CYTH3: variants seen among roughly 807,000 people sequenced by gnomAD.
CYTH3 encodes the protein cytohesin-3.
A neutral mutation model predicts 55.1 loss-of-function variants in CYTH3; 23 were observed. That is an observed-to-expected ratio of 0.42 (90% CI 0.30 to 0.59). CYTH3 has a LOEUF of 0.59. Ranked by LOEUF, CYTH3 falls within the 20% of genes least tolerant of loss-of-function variation. The pLI is 0.20. For synonymous variants in CYTH3, 249 were observed against 194.9 expected (o/e 1.28, Z -2.31); for missense variants, 413 against 524.8 (o/e 0.79, Z 2.08).
At chr7:6,236,363 ACTT>A (rs1337830664) in intron 1 of CYTH3, among the ~76,000 whole-genome samples, 22 of 63,116 alleles carry the variant, frequency 3.5e-4, no homozygotes, top group African/African-American at 1.1e-3. Context: ...ACTACGCCTG[ACTT>A]TTTTTTTTTT....
At chr7:6,229,041 C>T (rs1025619544) in intron 1 of CYTH3, among the ~76,000 whole-genome samples, 2 of 152,162 alleles carry the variant, frequency 1.3e-5, no homozygotes, top group African/African-American at 4.8e-5. Context: ...ACCACACCCC[C>T]TCTGAGCAGA....
At chr7:6,220,777 C>T (rs1784533187) in intron 1 of CYTH3, among the ~76,000 whole-genome samples, 1 of 152,086 alleles carries the variant, frequency 6.6e-6, no homozygotes. Context: ...AGGTGGAATG[C>T]CTGAGCTCAG....
intron 1 of CYTH3, among the ~76,000 whole-genome samples, chr7:6,211,183 C>T (rs2128549235): frequency 6.6e-6 from 1 of 152,298 alleles, no homozygotes; most frequent in East Asian, 1.9e-4. Flanking sequence ...CTCCTGAGCA[C>T]CTGGCTGGCT....
chr7:6,193,324 C>T (rs1254040022), intron 1 of CYTH3, among the ~76,000 whole-genome samples: 1 of 151,176 alleles, frequency 6.6e-6, no homozygotes, highest in African/African-American at 2.4e-5. Context: ...TTGCACTGAG[C>T]CAAGATCGTG....
At chr7:6,258,453 T>C (rs896639784) in intron 1 of CYTH3, among the ~76,000 whole-genome samples, 1 of 152,202 alleles carries the variant, frequency 6.6e-6, no homozygotes, top group African/African-American at 2.4e-5. Flanking sequence ...CCTCCACTTA[T>C]GGATAAGGAA....
intron 1 of CYTH3, among the ~76,000 whole-genome samples, chr7:6,232,296 C>G (rs970530627): frequency 5.3e-5 from 8 of 152,180 alleles, no homozygotes; most frequent in African/African-American, 1.7e-4. Flanking sequence ...ACAAGAAGCA[C>G]CCCGGGACAC....
rs1780697582 is a variant in CYTH3, at chr7:6,272,588, C to T, written c.-81G>A. The T allele has an allele frequency of 8.3e-6, 9 of 1,083,798 alleles. No individual in the cohort carries two copies. The highest frequency in any genetic ancestry group is 1.0e-5 in the Non-Finnish European group (9 of 886,798). The allele number at this position is 1,083,798 out of a possible 1,614,324, so 67.1% of individuals were successfully genotyped here. On this transcript the variant is annotated 5_prime_UTR_variant, in exon 1 of 13. Transcript: ENST00000350796. ...GCTGGGGACGCCGCCGGAGGGAGCG[C>T]GCAGGCGACCGGGCGGCTCCTCAGC... is the stretch of plus-strand genomic sequence containing the variant.
At chr7:6,187,561 C>A (rs1783686478) in intron 3 of CYTH3, 96 bp downstream of exon 3, 2 of 1,105,522 alleles carry the variant, frequency 1.8e-6, no homozygotes, top group Admixed American at 3.4e-5. Flanking sequence ...TCCCCACATC[C>A]CAACCACTCT....
rs1210392156 is a variant in CYTH3 at position 6,163,312 on chromosome 7, G to A, written c.*1632C>T. ...AAGTCTGAGGTTTTGTCTCTGGACT[G>A]GGCATTTTGCACAGGAGTACAGATG... On this transcript the variant is annotated 3_prime_UTR_variant, in exon 13 of 13. Coordinates refer to ENST00000350796, the MANE Select transcript of CYTH3 (RefSeq NM_004227.4). 1.3e-5 allele frequency: 2 copies of A among 152,296 alleles called. No homozygotes were observed. Among genetic ancestry groups the A allele is most frequent in the Non-Finnish European group, 2.9e-5 (2 of 68,086 alleles). The allele number at this position is 152,296 out of a possible 1,614,324, so 9.4% of individuals were successfully genotyped here.
At chr7:6,265,149 AACAG>A (rs1337133129) in intron 1 of CYTH3, among the ~76,000 whole-genome samples, 1 of 152,176 alleles carries the variant, frequency 6.6e-6, no homozygotes. Flanking sequence ...GGAGAGGAGC[AACAG>A]ACAATGTCAA....
intron 5 of CYTH3, among the ~76,000 whole-genome samples, chr7:6,175,176 C>T (rs180978555): frequency 6.6e-6 from 1 of 152,178 alleles, no homozygotes; most frequent in East Asian, 1.9e-4. Context: ...ACTATGTTAC[C>T]CAGGATGGCC....
chr7:6,237,362 A>C (rs972792954), intron 1 of CYTH3, among the ~76,000 whole-genome samples: 1 of 152,206 alleles, frequency 6.6e-6, no homozygotes, highest in African/African-American at 2.4e-5. Flanking sequence ...CACTGACGAA[A>C]TTAGTTACAA....
At chr7:6,253,457 C>T (rs1320360951) in intron 1 of CYTH3, among the ~76,000 whole-genome samples, 2 of 151,978 alleles carry the variant, frequency 1.3e-5, no homozygotes, top group Non-Finnish European at 2.9e-5. Context: ...GATCCGCCTG[C>T]CTCGGCCTCT....
intron 9 of CYTH3, 40 bp from the exon 10 acceptor site, chr7:6,165,850 C>A (rs1396367113): frequency 6.2e-7 from 1 of 1,609,182 alleles, no homozygotes; most frequent in East Asian, 2.2e-5. Flanking sequence ...GCTCCGTGCA[C>A]AGGGAGCCCG....
At chr7:6,272,410 G>GGGGGGGGGGGGGCCCCC in intron 1 of CYTH3, 64 bp downstream of exon 1, 2 of 1,216,618 alleles carry the variant, frequency 1.6e-6, no homozygotes, top group Non-Finnish European at 2.1e-6. Context: ...CCGCGCCCTC[G>GGGGGGGGGGGGGCCCCC]ACCCCCAGCC....
Position 6,170,204 on chromosome 7 carries a change from G to C in CYTH3, c.823+331C>G. The C allele has an allele frequency of 3.4e-6, 1 of 295,964 alleles. No homozygotes were observed. The highest frequency in any genetic ancestry group is 6.3e-6 in the Non-Finnish European group (1 of 158,760). The allele number at this position is 295,964 out of a possible 1,614,324, so 18.3% of individuals were successfully genotyped here. A position where few individuals can be genotyped will look rare whatever the true frequency, so the allele number is the denominator to read the frequency against. On this transcript the variant is annotated intron_variant, in intron 9 of 12. Coordinates refer to ENST00000350796, the MANE Select transcript of CYTH3 (RefSeq NM_004227.4). This position sits in a 1 kb window ranked among gnomAD's most constrained non-coding sequence, Gnocchi z 7.8. ...AAAAATCACAGCCACACCAAACCGA[G>C]AGAGGCACACAGGCTCTGTGGAGAT...
chr7:6,242,976 G>A (rs1416062159), intron 1 of CYTH3, among the ~76,000 whole-genome samples: 1 of 152,146 alleles, frequency 6.6e-6, no homozygotes, highest in African/African-American at 2.4e-5. Flanking sequence ...AAGTTTCACA[G>A]CTTGCCATGG....
chr7:6,259,772 T>TATAATATATATATATATTATA, intron 1 of CYTH3, among the ~76,000 whole-genome samples: 1 of 30,502 alleles, frequency 3.3e-5, no homozygotes, highest in Admixed American at 6.0e-4. Flanking sequence ...TATATATATA[T>TATAATATATATATATATTATA]TATATATATA....
intron 4 of CYTH3, among the ~76,000 whole-genome samples, chr7:6,179,649 ACACC>A (rs1783431046): frequency 1.1e-5 from 1 of 88,898 alleles, no homozygotes; most frequent in South Asian, 4.1e-4. Context: ...CACACACCCC[ACACC>A]CCACACACAC....
Sources: allele counts gnomAD v4.1 joint callset (sites outside exome capture counted in the v4.1 genomes callset), GRCh38; gene constraint gnomAD v4.1.1; non-coding constraint Gnocchi (gnomAD v3.1); transcripts MANE v1.5; gene names NCBI Gene and HGNC (gene_info 2026-07-23, HGNC 2026-07-21).